The following NAV2 variants were observed in gnomAD, a reference collection of about 807,000 sequenced individuals.
The protein encoded by NAV2 is helicase, APC down-regulated 1.
NAV2 carries 54 observed loss-of-function variants against 223.2 expected under a neutral mutation model. That is an observed-to-expected ratio of 0.24 (90% CI 0.19 to 0.30). NAV2 has a LOEUF of 0.30. Among genes scored for constraint, NAV2 ranks in the 10% least tolerant of loss-of-function variants. The probability of loss-of-function intolerance (pLI) is 1.00; values close to 1 mark genes in which losing one functional copy is unlikely to be tolerated. For missense variants in NAV2, 2,806 were observed against 3,147.5 expected, an observed-to-expected ratio of 0.89 and a Z score of 2.60; for synonymous variants, 1,279 against 1,239.3, an observed-to-expected ratio of 1.03 and a Z score of -0.67.
At chr11:20,010,274 G>C (rs1027531104) in intron 11 of NAV2, among the ~76,000 whole-genome samples, 1 of 131,760 alleles carries the variant, frequency 7.6e-6, no homozygotes, top group African/African-American at 2.9e-5. Context: ...AAGAAGGACT[G>C]GGGGGAAAAT....
chr11:19,775,765 G>A (rs1226835789), intron 1 of NAV2, among the ~76,000 whole-genome samples: 1 of 152,188 alleles, frequency 6.6e-6, no homozygotes, highest in African/African-American at 2.4e-5. Flanking sequence ...CAAGTCTAGG[G>A]GGAAACAGTG....
At chr11:19,751,438 C>T (rs1286009063) in intron 1 of NAV2, among the ~76,000 whole-genome samples, 1 of 152,148 alleles carries the variant, frequency 6.6e-6, no homozygotes, top group Non-Finnish European at 1.5e-5. Flanking sequence ...GACCGTACCC[C>T]GCCAGCTAGA....
chr11:19,903,529 C>T (rs1247634403), intron 6 of NAV2, among the ~76,000 whole-genome samples: 1 of 152,134 alleles, frequency 6.6e-6, no homozygotes, highest in South Asian at 2.1e-4. Context: ...CTCTTAACAT[C>T]TAATGCTCCC....
At chr11:19,552,526 C>T (rs944314686) in intron 1 of NAV2, among the ~76,000 whole-genome samples, 7 of 152,112 alleles carry the variant, frequency 4.6e-5, no homozygotes, top group African/African-American at 1.4e-4. Context: ...CCACCCAGAC[C>T]GAGCAGAAGC....
At chr11:19,859,842 G>A (rs1458420376) in intron 3 of NAV2, among the ~76,000 whole-genome samples, 1 of 147,040 alleles carries the variant, frequency 6.8e-6, no homozygotes, top group Non-Finnish European at 1.5e-5. Context: ...ACTCCCTCCC[G>A]GACGGGGCGG....
upstream of NAV2, chr11:19,711,329 G>A (rs1238087734): frequency 6.6e-6 from 1 of 152,200 alleles, no homozygotes. Context: ...CAGTACTAGA[G>A]GCTGGAAGTC....
intron 1 of NAV2, among the ~76,000 whole-genome samples, chr11:19,754,640 T>C (rs2054091526): frequency 6.6e-6 from 1 of 152,198 alleles, no homozygotes; most frequent in African/African-American, 2.4e-5. Flanking sequence ...CTGCATGGGC[T>C]TTCTTCATTT....
At chr11:19,424,191 A>T (rs1234542234) in intron 1 of NAV2, among the ~76,000 whole-genome samples, 1 of 152,242 alleles carries the variant, frequency 6.6e-6, no homozygotes, top group Non-Finnish European at 1.5e-5. Context: ...AGCTGTAAGC[A>T]CATTAATATC....
intron 5 of NAV2, among the ~76,000 whole-genome samples, chr11:19,887,303 CT>C (rs1565497053): frequency 6.6e-6 from 1 of 152,108 alleles, no homozygotes; most frequent in East Asian, 1.9e-4. Context: ...CCATGGACTT[CT>C]GCCTTTGACC....
rs3842256 is a variant in NAV2, at chr11:20,120,655, C to CCTA, written c.*2399_*2400insACT. The CCTA allele has an allele frequency of 0.36, 54,265 of 152,230 alleles. 11,682 individuals carry two copies. Among genetic ancestry groups the CCTA allele is most frequent in the East Asian group, 0.78 (4,025 of 5,130 alleles). 9.4% of individuals were successfully genotyped at this position (152,230 alleles called of 1,614,324 possible). A position where few individuals can be genotyped will look rare whatever the true frequency, so the allele number is the denominator to read the frequency against. On this transcript the variant is annotated 3_prime_UTR_variant, in exon 38 of 38. Transcript: ENST00000349880. ...TCTCCCCTTTCCCACAGACTTCCCT[C>CCTA]CTGGGTCCAGGTTCAGAACCAAGAC...
At chr11:20,048,662 T>C in intron 14 of NAV2, 66 bp from the exon 15 acceptor site, 5 of 1,381,962 alleles carry the variant, frequency 3.6e-6, no homozygotes, top group Admixed American at 3.5e-5. Flanking sequence ...GCCCTACCCT[T>C]CTTTAACAGT....
At chr11:20,100,362 C>A (rs1179213641) in intron 31 of NAV2, among the ~76,000 whole-genome samples, 1 of 152,150 alleles carries the variant, frequency 6.6e-6, no homozygotes, top group Non-Finnish European at 1.5e-5. Context: ...ATCAAATGAT[C>A]CCGCCTTGCA....
At chr11:19,843,370 G>C (rs990270537) in intron 3 of NAV2, among the ~76,000 whole-genome samples, 3 of 152,184 alleles carry the variant, frequency 2.0e-5, no homozygotes, top group Admixed American at 6.5e-5. Context: ...TGTGAAATCA[G>C]AACTGTGACA....
intron 1 of NAV2, among the ~76,000 whole-genome samples, chr11:19,632,626 GC>G (rs1200872367): frequency 1.3e-5 from 2 of 152,222 alleles, no homozygotes; most frequent in African/African-American, 4.8e-5. Flanking sequence ...AGCAAACTCA[GC>G]AGGGAAAGAT....
At chr11:20,108,590 G>A (rs1434335328) in intron 36 of NAV2, among the ~76,000 whole-genome samples, 1 of 147,832 alleles carries the variant, frequency 6.8e-6, no homozygotes. Context: ...TTACAGGCGT[G>A]TGCTACCACA....
chr11:19,745,374 A>G (rs961619224), intron 1 of NAV2, among the ~76,000 whole-genome samples: 1 of 152,128 alleles, frequency 6.6e-6, no homozygotes, highest in Admixed American at 6.6e-5. Flanking sequence ...ACAAATTACA[A>G]CATTTCCTTG....
At chr11:19,944,538 T>C (rs2046685690) in intron 8 of NAV2, among the ~76,000 whole-genome samples, 1 of 149,832 alleles carries the variant, frequency 6.7e-6, no homozygotes, top group Non-Finnish European at 1.5e-5. Flanking sequence ...TTCCTTTCCA[T>C]TCCGTTCCAT....
At chr11:19,538,521 T>G (rs985508264) in intron 1 of NAV2, among the ~76,000 whole-genome samples, 4 of 112,952 alleles carry the variant, frequency 3.5e-5, no homozygotes, top group Non-Finnish European at 7.2e-5. Flanking sequence ...TTGTTTTTGT[T>G]TTTTTTTTTT....
intron 1 of NAV2, among the ~76,000 whole-genome samples, chr11:19,528,368 G>A (rs2043910285): frequency 6.6e-6 from 1 of 152,128 alleles, no homozygotes; most frequent in Admixed American, 6.5e-5. Context: ...GCATTTTGCA[G>A]TTTAGGGACA....
Sources: gnomAD v4.1 joint callset for allele counts (sites outside exome capture counted in the v4.1 genomes callset) on GRCh38, gnomAD v4.1.1 for gene constraint, MANE v1.5 for transcripts, NCBI Gene and HGNC (gene_info 2026-07-23, HGNC 2026-07-21) for gene names.